The following SDK1 variants were observed in gnomAD, a reference collection of about 807,000 sequenced individuals.
SDK1 encodes the protein sidekick cell adhesion molecule 1.
In SDK1, 157 loss-of-function variants were observed where a neutral mutation model predicts 245.5. The ratio of observed to expected loss-of-function variants is 0.64; its 90% CI spans 0.56 to 0.73. The LOEUF is 0.73. Ranked by LOEUF, SDK1 falls within the 30% of genes least tolerant of loss-of-function variation. The pLI, the probability that SDK1 is intolerant of heterozygous loss-of-function variation, is 0.00. For synonymous variants in SDK1, 1,647 were observed against 1,278.5 expected (o/e 1.29, Z -6.15); for missense variants, 3,583 against 3,002.3 (o/e 1.19, Z -4.52).
At chr7:3,648,813 A>T (rs529271463) in intron 4 of SDK1, among the ~76,000 whole-genome samples, 6 of 152,206 alleles carry the variant, frequency 3.9e-5, no homozygotes, top group Non-Finnish European at 7.3e-5. Context: ...AGACGAGTAG[A>T]TACGGGTTCC....
intron 44 of SDK1, among the ~76,000 whole-genome samples, chr7:4,248,333 C>T (rs988321005): frequency 6.7e-6 from 1 of 149,142 alleles, no homozygotes; most frequent in Non-Finnish European, 1.5e-5. Context: ...TATACATATA[C>T]ACCTGAATAC....
At chr7:3,371,132 C>A (rs939166982) in intron 1 of SDK1, among the ~76,000 whole-genome samples, 11 of 152,134 alleles carry the variant, frequency 7.2e-5, no homozygotes, top group African/African-American at 2.4e-4. Flanking sequence ...AGTTATCCTG[C>A]CTCCACATGC....
At chr7:3,681,514 A>G (rs1029607496) in intron 4 of SDK1, among the ~76,000 whole-genome samples, 5 of 152,112 alleles carry the variant, frequency 3.3e-5, no homozygotes, top group Admixed American at 2.6e-4. Context: ...CTTCAAATTT[A>G]TTTTTCAAAA....
chr7:4,051,943 T>C lies in SDK1; in HGVS notation c.2911+113T>C, dbSNP rs1004567063. 4 of 928,908 alleles carry C rather than the reference T, an allele frequency of 4.3e-6. No individual in the cohort carries two copies. The African/African-American group carries it at 5.0e-5, about 12-fold the overall frequency. 57.5% of individuals were successfully genotyped at this position (928,908 alleles called of 1,614,324 possible). ...TGGATCACGAGGAGGCCCCGGATTT[T>C]TGGAGTGCTTGCAGTCAGCTCACCT... On this transcript the variant is annotated intron_variant, in intron 19 of 44. Transcript: ENST00000404826.
chr7:3,632,969 A>G (rs1782342763), intron 2 of SDK1, among the ~76,000 whole-genome samples: 1 of 152,236 alleles, frequency 6.6e-6, no homozygotes, highest in Admixed American at 6.5e-5. Flanking sequence ...GAAAACTTAC[A>G]AAAATAAAAT....
At chr7:4,094,021 C>G (rs541747576) in intron 22 of SDK1, among the ~76,000 whole-genome samples, 2 of 152,222 alleles carry the variant, frequency 1.3e-5, no homozygotes, top group East Asian at 3.9e-4. Context: ...CGGGGGCAGT[C>G]CCCTTTTTGC....
chr7:3,925,170 A>C (rs1047077140), intron 5 of SDK1, among the ~76,000 whole-genome samples: 4 of 152,256 alleles, frequency 2.6e-5, no homozygotes, highest in Admixed American at 1.3e-4. Flanking sequence ...AGCCTAGTTT[A>C]GGACTGAAGC....
chr7:4,126,059 AC>A (rs1562847575), intron 25 of SDK1, among the ~76,000 whole-genome samples: 1 of 151,966 alleles, frequency 6.6e-6, no homozygotes, highest in African/African-American at 2.4e-5. Flanking sequence ...TGCAGAGTGA[AC>A]CCCCGAATGG....
At chr7:3,510,183 C>G (rs1480086955) in intron 1 of SDK1, among the ~76,000 whole-genome samples, 1 of 152,170 alleles carries the variant, frequency 6.6e-6, no homozygotes, top group Non-Finnish European at 1.5e-5. Context: ...AGCTTTAATT[C>G]AAACCATTAT....
chr7:3,579,651 A>G lies in SDK1; in HGVS notation c.299-39429A>G, dbSNP rs114068028. On this transcript the variant is annotated intron_variant, in intron 1 of 44. Transcript: ENST00000404826. ...CCCTCTCTCACCAATCCTATTCAAG[A>G]TAGTGTTGGAAGTCTTGGCCAGTCC... Among the ~76,000 whole-genome samples, 472 of 152,292 alleles carry G rather than the reference A, an allele frequency of 3.1e-3. 2 individuals are homozygous for G. The highest frequency in any genetic ancestry group is 0.011 in the African/African-American group (452 of 41,566).
At chr7:4,082,859 G>T (rs988659102) in intron 22 of SDK1, among the ~76,000 whole-genome samples, 10 of 152,060 alleles carry the variant, frequency 6.6e-5, no homozygotes, top group Non-Finnish European at 1.5e-5. Context: ...GAGTTCAAGC[G>T]ATCTGTCAGC....
At chr7:4,161,441 C>T (rs192766705) in intron 31 of SDK1, among the ~76,000 whole-genome samples, 9 of 152,164 alleles carry the variant, frequency 5.9e-5, no homozygotes, top group Non-Finnish European at 1.3e-4. Flanking sequence ...AGATAAGTTC[C>T]CCTGCTCTCC....
In SDK1 at chr7:4,139,681, G is replaced by GTT. The variant is rs1348701919; in HGVS notation, c.4229-6040_4229-6039insTT. On this transcript the variant is annotated intron_variant, in intron 28 of 44. Coordinates refer to ENST00000404826, the MANE Select transcript of SDK1 (RefSeq NM_152744.4). ...TGTGTATATGTGTGTGTGTATATGT[G>GTT]TGTGTGTGTATGTGTGTGTGTGTAT... is the stretch of plus-strand genomic sequence containing the variant. Among the ~76,000 whole-genome samples the GTT allele has an allele frequency of 7.7e-4, 87 of 113,424 alleles. 1 individual carries two copies. The highest frequency in any genetic ancestry group is 1.1e-3 in the Non-Finnish European group (62 of 56,610). The allele number at this position is 113,424 out of a possible 152,430, so 74.4% of individuals were successfully genotyped here.
chr7:3,706,306 T>C (rs1459607921), intron 4 of SDK1, among the ~76,000 whole-genome samples: 1 of 152,234 alleles, frequency 6.6e-6, no homozygotes, highest in African/African-American at 2.4e-5. Context: ...GGATTCCCTC[T>C]TTCTCAGTCT....
At chr7:3,466,506 G>C (rs1781005706) in intron 1 of SDK1, among the ~76,000 whole-genome samples, 2 of 148,590 alleles carry the variant, frequency 1.3e-5, no homozygotes, top group African/African-American at 5.0e-5. Flanking sequence ...GTTGTCAGTT[G>C]GAGACATTAG....
chr7:3,898,088 C>T (rs2880159), intron 5 of SDK1, among the ~76,000 whole-genome samples: 31,883 of 152,112 alleles, frequency 0.21, 3,648 homozygotes, highest in Middle Eastern at 0.32. Flanking sequence ...AACTCATATT[C>T]CAGGGGCAGA....
Position 3,554,043 on chromosome 7 carries a change from G to T in SDK1, c.299-65037G>T, listed in dbSNP as rs1051222348. Among the ~76,000 whole-genome samples the T allele has an allele frequency of 4.6e-5, 7 of 152,188 alleles. No homozygotes were observed. The East Asian group carries it at 9.6e-4, about 21-fold the overall frequency. ...GACCCACATACTAAGCCTAAACAGG[G>T]TGACTGCCTAGACAGGAAATCAGCA... On this transcript the variant is annotated intron_variant, in intron 1 of 44. Coordinates refer to ENST00000404826, the MANE Select transcript of SDK1 (RefSeq NM_152744.4).
chr7:3,900,272 C>G (rs1314729930), intron 5 of SDK1, among the ~76,000 whole-genome samples: 2 of 152,126 alleles, frequency 1.3e-5, no homozygotes, highest in Non-Finnish European at 2.9e-5. Flanking sequence ...AGTGGTTCCC[C>G]TCAAATATTT....
At chr7:3,678,689 G>C (rs1277708459) in intron 4 of SDK1, among the ~76,000 whole-genome samples, 2 of 152,146 alleles carry the variant, frequency 1.3e-5, no homozygotes, top group African/African-American at 2.4e-5. Flanking sequence ...TGAAGAAAAA[G>C]TTCTGGATAG....
Sources: allele counts gnomAD v4.1 joint callset (sites outside exome capture counted in the v4.1 genomes callset), GRCh38; gene constraint gnomAD v4.1.1; transcripts MANE v1.5; gene names NCBI Gene and HGNC (gene_info 2026-07-23, HGNC 2026-07-21).